SPATA13: variants seen among roughly 807,000 people sequenced by gnomAD.
The protein encoded by SPATA13 is spermatogenesis-associated protein 13.
SPATA13 carries 50 observed loss-of-function variants against 104.0 expected under a neutral mutation model. That is an observed-to-expected ratio of 0.48 (90% CI 0.38 to 0.61). The LOEUF (loss-of-function observed/expected upper bound fraction) is 0.61. SPATA13 is among the 20% of genes least tolerant of loss of function. SPATA13 has a pLI of 0.00. For synonymous variants in SPATA13, 606 were observed against 667.5 expected, an observed-to-expected ratio of 0.91 and a Z score of 1.42; for missense variants, 1,524 against 1,690.6, an observed-to-expected ratio of 0.90 and a Z score of 1.73.
At chr13:24,221,550 G>T (rs536731192) in intron 1 of SPATA13, among the ~76,000 whole-genome samples, 35 of 152,230 alleles carry the variant, frequency 2.3e-4, no homozygotes, top group Non-Finnish European at 3.8e-4. Flanking sequence ...TTTGGACACA[G>T]ATGTGCATGA....
At chr13:24,091,408 G>A (rs1314713890) in intron 3 of SPATA13, among the ~76,000 whole-genome samples, 1 of 152,194 alleles carries the variant, frequency 6.6e-6, no homozygotes, top group South Asian at 2.1e-4. Flanking sequence ...TCAAAACGCT[G>A]CTGTGTTAAA....
At chr13:23,996,952 T>C (rs1390486782) in intron 2 of SPATA13, among the ~76,000 whole-genome samples, 2 of 152,184 alleles carry the variant, frequency 1.3e-5, no homozygotes, top group African/African-American at 2.4e-5. Flanking sequence ...AGGGGCTGCT[T>C]TTCCCAACTT....
chr13:24,015,384 A>G (rs1237245635), intron 2 of SPATA13, among the ~76,000 whole-genome samples: 1 of 152,232 alleles, frequency 6.6e-6, no homozygotes, highest in Non-Finnish European at 1.5e-5. Context: ...GCTGAGAGGA[A>G]CTAGCTGGAC....
intron 2 of SPATA13, among the ~76,000 whole-genome samples, chr13:24,230,181 C>T (rs979064308): frequency 7.2e-5 from 11 of 152,182 alleles, no homozygotes; most frequent in Non-Finnish European, 1.5e-4. Flanking sequence ...AATCATTAAG[C>T]AGAAGTCAAA....
chr13:24,253,551 G>A (rs2138667498), intron 4 of SPATA13, among the ~76,000 whole-genome samples: 1 of 152,316 alleles, frequency 6.6e-6, no homozygotes, highest in South Asian at 2.1e-4. Flanking sequence ...GGATGCTGTG[G>A]AGAATAAAAC....
intron 2 of SPATA13, among the ~76,000 whole-genome samples, chr13:24,008,509 C>G (rs1251693401): frequency 6.6e-6 from 1 of 151,786 alleles, no homozygotes; most frequent in Non-Finnish European, 1.5e-5. Flanking sequence ...GGTGGACGGT[C>G]TTGTTGGTGG....
At chr13:24,104,446 T>A (rs983770379) in intron 3 of SPATA13, among the ~76,000 whole-genome samples, 6 of 152,224 alleles carry the variant, frequency 3.9e-5, no homozygotes, top group Admixed American at 6.5e-5. Flanking sequence ...ACACTTTCCC[T>A]TAACCATTTA....
rs1879981145 is a variant in SPATA13, at chr13:24,093,772, T to C, written c.-112+76071T>C. ...TTTAAGAACCAAAAGGCAGGAAGGG[T>C]ACAGGGGAAAAGATCTAGGCTGTGG... is the stretch of plus-strand genomic sequence containing the variant. On this transcript the variant is annotated intron_variant, in intron 3 of 14. Transcript: ENST00000424834. Among the ~76,000 whole-genome samples, 6 of 152,142 alleles carry C rather than the reference T, an allele frequency of 3.9e-5. No individual in the cohort carries two copies. The South Asian group carries it at 1.2e-3, about 31-fold the overall frequency.
chr13:24,034,709 G>A (rs1358504727), intron 3 of SPATA13: 1 of 152,246 alleles, frequency 6.6e-6, no homozygotes, highest in Admixed American at 6.5e-5. Flanking sequence ...ATAGCTGCCA[G>A]TGGGTACGGC....
intron 3 of SPATA13, among the ~76,000 whole-genome samples, chr13:24,037,082 C>T (rs1877710804): frequency 6.6e-6 from 1 of 151,418 alleles, no homozygotes; most frequent in Non-Finnish European, 1.5e-5. Context: ...CTGATGCTGT[C>T]AATTTTAAAT....
At chr13:24,213,654 C>T (rs908922907) in intron 1 of SPATA13, among the ~76,000 whole-genome samples, 3 of 152,164 alleles carry the variant, frequency 2.0e-5, no homozygotes, top group Admixed American at 6.5e-5. Flanking sequence ...AGTCAAAGAT[C>T]CAGTTCATCT....
chr13:24,047,606 C>G (rs1566084924), intron 3 of SPATA13, among the ~76,000 whole-genome samples: 1 of 152,200 alleles, frequency 6.6e-6, no homozygotes, highest in African/African-American at 2.4e-5. Context: ...TTAGTAAATC[C>G]TATTAGTTTT....
In SPATA13 at chr13:24,004,707, C is replaced by T. The variant is rs923789290; in HGVS notation, c.-146-12960C>T. 5.3e-5 allele frequency among the ~76,000 whole-genome samples: 8 copies of T among 152,176 alleles called. No individual in the cohort carries two copies. In the East Asian group the frequency reaches 1.2e-3, roughly 22 times the overall value. The stretch of plus-strand genomic sequence containing the variant: ...CCATACACACAGGGCTGAAAATTTA[C>T]ATTCCATACGATTTATCTTCCCAAA... On this transcript the variant is annotated intron_variant, in intron 2 of 14. Coordinates refer to the SPATA13 transcript ENST00000424834.
Position 24,251,901 on chromosome 13 carries a change from G to A in SPATA13, c.2164+39G>A, listed in dbSNP as rs529413371. On this transcript the variant is annotated intron_variant, in intron 4 of 12. Coordinates refer to ENST00000382108, the MANE Select transcript of SPATA13 (RefSeq NM_001166271.3). ...TCCCTTTCCTTTCAGAGCTGCTATG[G>A]GCCCATCTGACCGTTTCCAGCTAAC... 9 of 1,590,436 alleles carry A rather than the reference G, an allele frequency of 5.7e-6. No homozygotes were observed. The South Asian group carries it at 6.8e-5, about 12-fold the overall frequency.
intron 10 of SPATA13, among the ~76,000 whole-genome samples, chr13:24,296,779 G>A (rs559609544): frequency 1.2e-3 from 183 of 152,084 alleles, no homozygotes; most frequent in Admixed American, 2.0e-3. Context: ...TAACACAGAG[G>A]CACTGTCACA....
Position 24,223,278 on chromosome 13 carries a change from C to A in SPATA13, c.349C>A (p.Leu117Met). 1 of 1,551,690 alleles carries A rather than the reference C, an allele frequency of 6.4e-7. No individual in the cohort carries two copies. Among genetic ancestry groups the A allele is most frequent in the South Asian group, 1.2e-5 (1 of 84,062 alleles). Residue 117 changes from leucine (L) to methionine (M), a missense_variant, in exon 2 of 13, where the codon CTG becomes ATG. Around this residue, in one of 2 missense-constraint regions of SPATA13, gnomAD observed 1,089 missense variants for 1,135.9 expected, o/e 0.96. Coordinates refer to ENST00000382108, the MANE Select transcript of SPATA13 (RefSeq NM_001166271.3). Reference sequence around the variant, plus strand: ...CCGGAAAATGGGATCCTTTAAGAAACTGAAGTCCTCAGTCCTGAAAGGAAT... The same window carrying A: ...CCGGAAAATGGGATCCTTTAAGAAAATGAAGTCCTCAGTCCTGAAAGGAAT... ...SFRKMGSFKKLKSSVLKGIQS... is the reference protein window; with the variant it reads ...SFRKMGSFKKMKSSVLKGIQS...
In SPATA13 at chr13:24,011,254, G is replaced by A. The variant is rs1357759997; in HGVS notation, c.-146-6413G>A. On this transcript the variant is annotated intron_variant, in intron 2 of 14. Coordinates refer to the SPATA13 transcript ENST00000424834. This position sits in a 1 kb window ranked among gnomAD's most constrained non-coding sequence, Gnocchi z 4.3. ...CTCCCACCTGCCTCCCAGGGGAGTG[G>A]GCATCCACCCTGAGCACCTGGTTCT... 6.7e-6 allele frequency among the ~76,000 whole-genome samples: 1 copy of A among 149,304 alleles called. No individual in the cohort carries two copies. The highest frequency in any genetic ancestry group is 6.7e-5 in the Admixed American group (1 of 14,986).
chr13:24,059,476 A>G (rs1253819283), intron 3 of SPATA13, among the ~76,000 whole-genome samples: 1 of 152,252 alleles, frequency 6.6e-6, no homozygotes, highest in East Asian at 1.9e-4. Flanking sequence ...GAAAAGACAG[A>G]GATTTGGCAC....
chr13:24,286,349 C>A lies in SPATA13; in HGVS notation c.2437C>A (p.Arg813Ser). The change falls in exon 6 of 13, where the codon CGC (arginine) becomes AGC (serine). Residue 813 changes from arginine (R) to serine (S), a missense_variant. This residue lies in a region of SPATA13 where 1,089 missense variants were observed against 1,135.9 expected (regional missense o/e 0.96). Coordinates refer to ENST00000382108, the MANE Select transcript of SPATA13 (RefSeq NM_001166271.3). The surrounding 1 kb of genome is among the most constrained non-coding windows in gnomAD (Gnocchi z 4.9). Reference protein sequence around the residue: ...EASNKDWWWGRSEDKEAWFPA... With the variant: ...EASNKDWWWGSSEDKEAWFPA... ...CTCCAACAAGGACTGGTGGTGGGGC[C>A]GCAGTGAAGATAAGGAAGCCTGGTT... 6.2e-7 allele frequency: 1 copy of A among 1,613,032 alleles called. No homozygotes were observed. The highest frequency in any genetic ancestry group is 8.5e-7 in the Non-Finnish European group (1 of 1,180,018).
Sources: gnomAD v4.1 joint callset for allele counts (sites outside exome capture counted in the v4.1 genomes callset) on GRCh38, gnomAD v4.1.1 for gene constraint, gnomAD v4.1.1 regional missense constraint, Gnocchi (gnomAD v3.1) non-coding constraint, MANE v1.5 for transcripts, NCBI Gene and HGNC (gene_info 2026-07-23, HGNC 2026-07-21) for gene names.